The following C1orf50 variants were observed in gnomAD, a reference collection of about 807,000 sequenced individuals.
C1orf50 encodes uncharacterized protein C1orf50.
Under a neutral mutation model 23.3 loss-of-function variants are expected in C1orf50, and 22 were observed. That is an observed-to-expected ratio of 0.94 (90% CI 0.67 to 1.35). The LOEUF is 1.35. C1orf50 is among the 40% of genes most tolerant of loss of function. The pLI, the probability that C1orf50 is intolerant of heterozygous loss-of-function variation, is 0.00. For synonymous variants in C1orf50, 96 were observed against 102.4 expected (o/e 0.94, Z 0.38); for missense variants, 271 against 249.4 (o/e 1.09, Z -0.58).
intron 4 of C1orf50, 43 bp from the exon 5 acceptor site, chr1:42,775,166 T>G: frequency 6.5e-7 from 1 of 1,543,942 alleles, no homozygotes; most frequent in South Asian, 1.2e-5. Flanking sequence ...TCAGTTTGTT[T>G]ACAACCCACG....
At chr1:42,771,126 C>T (rs1653211983) in intron 2 of C1orf50, among the ~76,000 whole-genome samples, 1 of 152,182 alleles carries the variant, frequency 6.6e-6, no homozygotes, top group Non-Finnish European at 1.5e-5. Context: ...TTATCTTTAA[C>T]CTGCTTCTAC....
In C1orf50 at chr1:42,777,964, T is replaced by C. The variant is rs1553145955; in HGVS notation, c.*2570T>C. ...AATCTCCCTCACTCTTGACATTTCC[T>C]AACCTAAAGAGTGGGAGAGTAGTGA... On this transcript the variant is annotated 3_prime_UTR_variant, in exon 5 of 5. Transcript: ENST00000372525. The C allele has an allele frequency of 6.6e-6, 1 of 151,960 alleles. No homozygotes were observed. Among genetic ancestry groups the C allele is most frequent in the Non-Finnish European group, 1.5e-5 (1 of 68,024 alleles). 9.4% of individuals were successfully genotyped at this position (151,960 alleles called of 1,614,324 possible). A position where few individuals can be genotyped will look rare whatever the true frequency, so the allele number is the denominator to read the frequency against.
In C1orf50 at chr1:42,778,465, C is replaced by T. The variant is rs1192752797; in HGVS notation, c.*3071C>T. The T allele has an allele frequency of 6.6e-6, 1 of 152,146 alleles. No homozygotes were observed. The highest frequency in any genetic ancestry group is 1.9e-4 in the East Asian group (1 of 5,182). The allele number at this position is 152,146 out of a possible 1,614,324, so 9.4% of individuals were successfully genotyped here. On this transcript the variant is annotated 3_prime_UTR_variant, in exon 5 of 5. Coordinates refer to ENST00000372525, the MANE Select transcript of C1orf50 (RefSeq NM_024097.4). ...TGCCTGCTTGGTGTTGAAAACCATA[C>T]AAGTTAGAACTTTCTGGAGGCTCCA...
chr1:42,775,079 C>G, intron 4 of C1orf50, 130 bp from the exon 5 acceptor site: 1 of 991,802 alleles, frequency 1.0e-6, no homozygotes, highest in Non-Finnish European at 1.5e-6. Context: ...TGTAAGGTAA[C>G]TGCGTTCCAA....
intron 2 of C1orf50, among the ~76,000 whole-genome samples, chr1:42,771,886 G>A (rs1274969940): frequency 3.3e-5 from 5 of 151,540 alleles, no homozygotes; most frequent in Admixed American, 6.6e-5. Flanking sequence ...GCTGAGGTGC[G>A]AGATTTGCTT....
chr1:42,769,316 C>T lies in C1orf50; in HGVS notation c.195+1692C>T, dbSNP rs180968874. Among the ~76,000 whole-genome samples, 220 of 151,864 alleles carry T rather than the reference C, an allele frequency of 1.4e-3. 3 individuals are homozygous for T. The highest frequency in any genetic ancestry group is 4.3e-3 in the African/African-American group (178 of 41,384). ...ATCTTAGCACTTTGGGAGGCTAAGG[C>T]GGGAGGATTGCCTGAGCTCAGGAGT... On this transcript the variant is annotated intron_variant, in intron 2 of 4. Transcript: ENST00000372525.
At position 42,767,491 on chromosome 1, in the gene C1orf50, C is replaced by G; in HGVS notation, c.80-18C>G. On this transcript the variant is annotated intron_variant, in intron 1 of 4. Transcript: ENST00000372525. ...ACGGCGGGAGCTCACGGCTTGTGTT[C>G]CTGGGTGTGTGTCGCAGGAGCCCTG... The G allele has an allele frequency of 6.4e-7, 1 of 1,557,920 alleles. No homozygotes were observed. Among genetic ancestry groups the G allele is most frequent in the Non-Finnish European group, 8.7e-7 (1 of 1,151,418 alleles).
chr1:42,773,824 CTGTT>C (rs748260374), intron 3 of C1orf50, among the ~76,000 whole-genome samples, 175 bp downstream of exon 3: 23 of 152,092 alleles, frequency 1.5e-4, no homozygotes, highest in East Asian at 9.7e-4. Context: ...TTTTGTTTGT[CTGTT>C]TGTTTGTTTT....
At chr1:42,774,643 A>G (rs1276387226) in intron 3 of C1orf50, 94 bp from the exon 4 acceptor site, 6 of 1,401,784 alleles carry the variant, frequency 4.3e-6, no homozygotes, top group Non-Finnish European at 5.8e-6. Context: ...GATCCTAAGC[A>G]CTGAATGGTT....
chr1:42,770,943 T>C (rs546521905), intron 2 of C1orf50, among the ~76,000 whole-genome samples: 6 of 152,204 alleles, frequency 3.9e-5, no homozygotes, highest in South Asian at 2.1e-4. Context: ...TCAAATGTTA[T>C]ATCCTTGGTG....
chr1:42,767,677 C>CT, intron 2 of C1orf50, 53 bp downstream of exon 2: 1 of 1,497,008 alleles, frequency 6.7e-7, no homozygotes, highest in Non-Finnish European at 9.2e-7. Context: ...ACGTTGTACT[C>CT]TGCGTCTTTC....
chr1:42,776,714 G>A lies in C1orf50; in HGVS notation c.*1320G>A, dbSNP rs373457309. Reference sequence around the variant, plus strand: ...CACATGGGAATGCTCTTTGGACTCAGCTGCAGAGGTCTTTTGCTCAGGTGC... The same window carrying A: ...CACATGGGAATGCTCTTTGGACTCAACTGCAGAGGTCTTTTGCTCAGGTGC... On this transcript the variant is annotated 3_prime_UTR_variant, in exon 5 of 5. Coordinates refer to ENST00000372525, the MANE Select transcript of C1orf50 (RefSeq NM_024097.4). 2 of 152,248 alleles carry A rather than the reference G, an allele frequency of 1.3e-5. No homozygotes were observed. The highest frequency in any genetic ancestry group is 4.8e-5 in the African/African-American group (2 of 41,452). The allele number at this position is 152,248 out of a possible 1,614,324, so 9.4% of individuals were successfully genotyped here.
At chr1:42,773,027 C>T (rs1326326859) in intron 2 of C1orf50, among the ~76,000 whole-genome samples, 1 of 152,044 alleles carries the variant, frequency 6.6e-6, no homozygotes, top group Admixed American at 6.6e-5. Context: ...ACAGAAAAAC[C>T]CGAATACTTT....
chr1:42,777,436 C>T lies in C1orf50; in HGVS notation c.*2042C>T, dbSNP rs991051010. The T allele has an allele frequency of 3.3e-5, 5 of 152,314 alleles. No homozygotes were observed. Among genetic ancestry groups the T allele is most frequent in the African/African-American group, 1.2e-4 (5 of 41,460 alleles). The allele number at this position is 152,314 out of a possible 1,614,324, so 9.4% of individuals were successfully genotyped here. A position where few individuals can be genotyped will look rare whatever the true frequency, so the allele number is the denominator to read the frequency against. Reference sequence around the variant, plus strand: ...AGGGTTGCTGGCTTCCGGGGTTCCACTAGCTGACTGTTGGCTGGAGGTTGC... The same window carrying T: ...AGGGTTGCTGGCTTCCGGGGTTCCATTAGCTGACTGTTGGCTGGAGGTTGC... On this transcript the variant is annotated 3_prime_UTR_variant, in exon 5 of 5. Coordinates refer to ENST00000372525, the MANE Select transcript of C1orf50 (RefSeq NM_024097.4).
rs1653377858 is a variant in C1orf50, at chr1:42,778,337, C to G, written c.*2943C>G. The G allele has an allele frequency of 6.6e-6, 1 of 152,172 alleles. No individual in the cohort carries two copies. The highest frequency in any genetic ancestry group is 2.1e-4 in the South Asian group (1 of 4,830). The allele number at this position is 152,172 out of a possible 1,614,324, so 9.4% of individuals were successfully genotyped here. Reference sequence around the variant, plus strand: ...AACAAGTTAACAATTACAAGATGCTCTAAGAAGGGGTGTGATAGAGGTACG... The same window carrying G: ...AACAAGTTAACAATTACAAGATGCTGTAAGAAGGGGTGTGATAGAGGTACG... On this transcript the variant is annotated 3_prime_UTR_variant, in exon 5 of 5. Coordinates refer to ENST00000372525, the MANE Select transcript of C1orf50 (RefSeq NM_024097.4).
rs749472119 is a variant in C1orf50, at chr1:42,775,785, T to TATATATATATATATAA, written c.*392_*393insTATATATATATATAAA. 2.6e-4 allele frequency: 38 copies of TATATATATATATATAA among 144,418 alleles called. No individual in the cohort carries two copies. Among genetic ancestry groups the TATATATATATATATAA allele is most frequent in the African/African-American group, 6.8e-4 (27 of 39,706 alleles). 8.9% of individuals were successfully genotyped at this position (144,418 alleles called of 1,614,324 possible). On this transcript the variant is annotated 3_prime_UTR_variant, in exon 5 of 5. Coordinates refer to ENST00000372525, the MANE Select transcript of C1orf50 (RefSeq NM_024097.4). ...TTTTATATATATATATATATATATA[T>TATATATATATATATAA]AACTGGTAGTATTTAACATTGGGGT...
Position 42,767,264 on chromosome 1 carries a change from C to G in C1orf50, c.-48C>G. 6.8e-7 allele frequency: 1 copy of G among 1,461,640 alleles called. No homozygotes were observed. Among genetic ancestry groups the G allele is most frequent in the Non-Finnish European group, 9.0e-7 (1 of 1,107,500 alleles). The allele number at this position is 1,461,640 out of a possible 1,614,324, so 90.5% of individuals were successfully genotyped here. On this transcript the variant is annotated 5_prime_UTR_variant, in exon 1 of 5. Coordinates refer to ENST00000372525, the MANE Select transcript of C1orf50 (RefSeq NM_024097.4). ...CCGCCCACGCGCCTTTATGCGCAGG[C>G]TCTTCCTACTCGCACAGCCCAGGGA...
At chr1:42,772,825 G>A (rs1402005356) in intron 2 of C1orf50, among the ~76,000 whole-genome samples, 2 of 151,956 alleles carry the variant, frequency 1.3e-5, no homozygotes, top group African/African-American at 2.4e-5. Flanking sequence ...TTTGTGGCAC[G>A]TGACAGGTAG....
Position 42,773,639 on chromosome 1 carries a change from A to C in C1orf50, c.272A>C (p.Gln91Pro). 6.2e-7 allele frequency: 1 copy of C among 1,609,946 alleles called. No individual in the cohort carries two copies. The highest frequency in any genetic ancestry group is 8.5e-7 in the Non-Finnish European group (1 of 1,176,526). The change falls in exon 3 of 5, where the codon CAA becomes CCA. Residue 91 changes from glutamine to proline, a missense_variant. Transcript: ENST00000372525. The stretch of plus-strand genomic sequence containing the variant: ...GAGCAAATCCAACATTTGCAAGAAC[A>C]AGCCAGGAAGGTAAGGAATGACTGT... ...IAEQIQHLQE[Q>P]ARKVLEDAHR...
Sources: gnomAD v4.1 joint callset for allele counts (sites outside exome capture counted in the v4.1 genomes callset) on GRCh38, gnomAD v4.1.1 for gene constraint, MANE v1.5 for transcripts, NCBI Gene and HGNC (gene_info 2026-07-23, HGNC 2026-07-21) for gene names.